Variants in SRP19 observed in about 807,000 individuals in gnomAD.
SRP19 encodes the protein signal recognition particle 19, also known as signal recognition particle 19 kDa protein.
SRP19 carries 11 observed loss-of-function variants against 22.4 expected under a neutral mutation model. The ratio of observed to expected loss-of-function variants is 0.49; its 90% CI spans 0.31 to 0.81. The LOEUF (loss-of-function observed/expected upper bound fraction) is 0.81, where lower values mean the gene tolerates loss of function less well. Among genes scored for constraint, SRP19 ranks in the 40% least tolerant of loss-of-function variants. The pLI is 0.05. For synonymous variants in SRP19, 61 were observed against 57.6 expected (o/e 1.06, Z -0.27); for missense variants, 168 against 175.9 (o/e 0.96, Z 0.25).
At chr5:112,872,322 C>CTTTTTTTTT (rs759571945), downstream of SRP19, among the ~76,000 whole-genome samples, 8 of 92,692 alleles carry the variant, frequency 8.6e-5, no homozygotes, top group Non-Finnish European at 1.4e-4. Flanking sequence ...CCAAATGATT[C>CTTTTTTTTT]TTTTTTTTTT....
chr5:112,889,960 G>A (rs912312649), intron 4 of SRP19, among the ~76,000 whole-genome samples: 7 of 149,948 alleles, frequency 4.7e-5, no homozygotes, highest in African/African-American at 1.7e-4. Flanking sequence ...CCAAGTAGCT[G>A]GGACTGCAGG....
chr5:112,892,926 A>G (rs1234983800), exon 5 of SRP19: 6 of 1,605,156 alleles, frequency 3.7e-6, no homozygotes, highest in Admixed American at 3.4e-5. Context: ...CAAGCAGAGG[A>G]AGAAATAGGC....
downstream of SRP19, chr5:112,893,695 TG>T (rs1561652214): frequency 6.6e-6 from 1 of 152,334 alleles, no homozygotes; most frequent in African/African-American, 2.4e-5. Context: ...TAATGCTACG[TG>T]CATGAATGTG....
chr5:112,870,801 CA>C (rs1425443923), downstream of SRP19, among the ~76,000 whole-genome samples: 1 of 152,182 alleles, frequency 6.6e-6, no homozygotes, highest in Admixed American at 6.5e-5. Context: ...CACCTTCCAC[CA>C]TGGGATCACA....
At chr5:112,866,215 C>G (rs1767600660) in intron 4 of SRP19, among the ~76,000 whole-genome samples, 2 of 151,586 alleles carry the variant, frequency 1.3e-5, no homozygotes, top group African/African-American at 4.9e-5. Flanking sequence ...CTCCCGGGTT[C>G]AAGTGATTCT....
At chr5:112,861,498 C>G in intron 1 of SRP19, 81 bp downstream of exon 1, 1 of 1,491,092 alleles carries the variant, frequency 6.7e-7, no homozygotes, top group South Asian at 1.2e-5. Context: ...TTCTCCGCTC[C>G]GCGGCCTCCA....
chr5:112,887,067 G>T, intron 4 of SRP19: 1 of 1,613,548 alleles, frequency 6.2e-7, no homozygotes, highest in South Asian at 1.1e-5. Flanking sequence ...TAAGGTCCTT[G>T]ACCACACTGT....
chr5:112,878,312 T>C (rs1767958972), intron 4 of SRP19: 1 of 157,138 alleles, frequency 6.4e-6, no homozygotes, highest in Admixed American at 6.2e-5. Context: ...ATGATGCATG[T>C]TGTAGTCAGA....
In SRP19 at chr5:112,867,765, T is replaced by C; in HGVS notation, c.*228T>C. The C allele has an allele frequency of 8.1e-7, 1 of 1,236,798 alleles. No individual in the cohort carries two copies. Among genetic ancestry groups the C allele is most frequent in the Non-Finnish European group, 1.0e-6 (1 of 989,350 alleles). The allele number at this position is 1,236,798 out of a possible 1,614,324, so 76.6% of individuals were successfully genotyped here. A position where few individuals can be genotyped will look rare whatever the true frequency, so the allele number is the denominator to read the frequency against. On this transcript the variant is annotated 3_prime_UTR_variant, in exon 5 of 5. Coordinates refer to ENST00000505459, the MANE Select transcript of SRP19 (RefSeq NM_003135.3). ...AGAATTTTTTTGTCTTTCAATGCAGTTTTTTGGAAGAAAATATTTTTAAAT... is the reference window on the plus strand; with the variant it reads ...AGAATTTTTTTGTCTTTCAATGCAGCTTTTTGGAAGAAAATATTTTTAAAT...
chr5:112,890,860 T>TC (rs930635194), intron 4 of SRP19, among the ~76,000 whole-genome samples: 1 of 150,720 alleles, frequency 6.6e-6, no homozygotes, highest in African/African-American at 2.5e-5. Context: ...GTCTGGTTTT[T>TC]CCTCTATAAA....
At chr5:112,873,365 T>TTA (rs398050665), downstream of SRP19, among the ~76,000 whole-genome samples, 1 of 145,078 alleles carries the variant, frequency 6.9e-6, no homozygotes, top group Admixed American at 6.8e-5. Context: ...TTTTTTTTTT[T>TTA]AGATGGTGTT....
At chr5:112,870,475 C>CA (rs375704872), downstream of SRP19, among the ~76,000 whole-genome samples, 10,290 of 140,908 alleles carry the variant, frequency 0.073, 416 homozygotes, top group South Asian at 0.15. Context: ...GACCCTGTCT[C>CA]AAAAAAAAAA....
rs771789374 is a variant in SRP19 at position 112,864,620 on chromosome 5, G to GAAAAAT, written c.194_199dup (p.Asn65_Lys66dup). ...TTTTTCTTTTGTTTCGTTTATGTTA[G>GAAAAAT]AAAAATAAAATGTACTCTAGAGAAT... On this transcript the variant is annotated inframe_insertion and splice_region_variant. Coordinates refer to ENST00000505459, the MANE Select transcript of SRP19 (RefSeq NM_003135.3). The GAAAAAT allele has an allele frequency of 6.2e-7, 1 of 1,613,660 alleles. No individual in the cohort carries two copies. Among genetic ancestry groups the GAAAAAT allele is most frequent in the Non-Finnish European group, 8.5e-7 (1 of 1,179,758 alleles).
downstream of SRP19, chr5:112,896,720 G>C (rs1408962070): frequency 6.6e-6 from 1 of 151,838 alleles, no homozygotes; most frequent in Non-Finnish European, 1.5e-5. Context: ...TGGATCACAA[G>C]GTCAGGAGTT....
chr5:112,890,524 C>G (rs1265964090), intron 4 of SRP19, among the ~76,000 whole-genome samples: 1 of 150,058 alleles, frequency 6.7e-6, no homozygotes, highest in Non-Finnish European at 1.5e-5. Context: ...CATGCAGGCA[C>G]GCACCATCAC....
At position 112,867,644 on chromosome 5, in the gene SRP19, A is replaced by T. The variant is rs1033842813; in HGVS notation, c.*107A>T. 7.2e-7 allele frequency: 1 copy of T among 1,392,396 alleles called. No homozygotes were observed. Among genetic ancestry groups the T allele is most frequent in the Non-Finnish European group, 9.4e-7 (1 of 1,068,852 alleles). 86.3% of individuals were successfully genotyped at this position (1,392,396 alleles called of 1,614,324 possible). A position where few individuals can be genotyped will look rare whatever the true frequency, so the allele number is the denominator to read the frequency against. On this transcript the variant is annotated 3_prime_UTR_variant, in exon 5 of 5. Coordinates refer to ENST00000505459, the MANE Select transcript of SRP19 (RefSeq NM_003135.3). ...GCTTTTTGTTTGCATCATTTAACTG[A>T]ACTGTGAACCCTTGTGCCTCTCATC...
At chr5:112,862,704 AAC>A (rs1767452848) in intron 2 of SRP19, 121 bp downstream of exon 2, 1 of 842,020 alleles carries the variant, frequency 1.2e-6, no homozygotes, top group Non-Finnish European at 1.9e-6. Context: ...AGGGCTTGAG[AAC>A]ACAGCCAAGA....
At chr5:112,864,278 G>A (rs999528778) in intron 2 of SRP19, among the ~76,000 whole-genome samples, 179 bp from the exon 3 acceptor site, 5 of 152,072 alleles carry the variant, frequency 3.3e-5, no homozygotes, top group African/African-American at 1.2e-4. Flanking sequence ...ACACAGTTAC[G>A]CATTAGTGTT....
downstream of SRP19, chr5:112,897,496 G>T (rs766491147): frequency 6.6e-6 from 1 of 151,980 alleles, no homozygotes; most frequent in Non-Finnish European, 1.5e-5. Context: ...TAAATCTGCT[G>T]AATAAAGGAA....
Sources: gnomAD v4.1 joint callset for allele counts (sites outside exome capture counted in the v4.1 genomes callset) on GRCh38, gnomAD v4.1.1 for gene constraint, MANE v1.5 for transcripts, NCBI Gene and HGNC (gene_info 2026-07-23, HGNC 2026-07-21) for gene names.